RAP1GDS1: variants seen among roughly 807,000 people sequenced by gnomAD.
RAP1GDS1 encodes the protein RAP1, GTP-GDP dissociation stimulator 1.
RAP1GDS1 carries 35 observed loss-of-function variants against 71.1 expected under a neutral mutation model. That is an observed-to-expected ratio of 0.49 (90% CI 0.38 to 0.65). The LOEUF (loss-of-function observed/expected upper bound fraction) is 0.65, where lower values mean the gene tolerates loss of function less well. RAP1GDS1 is among the 30% of genes least tolerant of loss of function. The pLI is 0.00. For synonymous variants in RAP1GDS1, 229 were observed against 243.1 expected (o/e 0.94, Z 0.54); for missense variants, 663 against 706.1 (o/e 0.94, Z 0.69).
Position 98,443,383 on chromosome 4 carries a change from G to A in RAP1GDS1, c.*1266G>A, listed in dbSNP as rs186348414. 1 of 231,128 alleles carries A rather than the reference G, an allele frequency of 4.3e-6. No individual in the cohort carries two copies. The highest frequency in any genetic ancestry group is 5.6e-5 in the Admixed American group (1 of 17,700). The allele number at this position is 231,128 out of a possible 1,614,324, so 14.3% of individuals were successfully genotyped here. On this transcript the variant is annotated 3_prime_UTR_variant, in exon 15 of 15. Transcript: ENST00000408927. ...TGCCACCACCAAATGGGTTTTTAGAGCTTTGAAACACAATCTTTGTAAATT... is the reference window on the plus strand; with the variant it reads ...TGCCACCACCAAATGGGTTTTTAGAACTTTGAAACACAATCTTTGTAAATT...
intron 4 of RAP1GDS1, among the ~76,000 whole-genome samples, chr4:98,378,786 A>G (rs1259929883): frequency 1.3e-5 from 2 of 151,910 alleles, no homozygotes; most frequent in African/African-American, 4.8e-5. Context: ...TATGATGCCA[A>G]TGAGAATAAT....
At chr4:98,414,534 G>A (rs1426193429) in intron 7 of RAP1GDS1, among the ~76,000 whole-genome samples, 3 of 150,696 alleles carry the variant, frequency 2.0e-5, no homozygotes, top group South Asian at 2.1e-4. Flanking sequence ...GTAGATATGC[G>A]GCATTATTTC....
At position 98,436,972 on chromosome 4, in the gene RAP1GDS1, C is replaced by T. The variant is rs759770168; in HGVS notation, c.1600C>T (p.Leu534Phe). 6.2e-7 allele frequency: 1 copy of T among 1,609,778 alleles called. No homozygotes were observed. The highest frequency in any genetic ancestry group is 1.7e-5 in the Admixed American group (1 of 58,778). The change falls in exon 14 of 15, where the codon CTT becomes TTT. Residue 534 changes from leucine to phenylalanine, a missense_variant. Coordinates refer to ENST00000408927, the MANE Select transcript of RAP1GDS1 (RefSeq NM_001100427.2). Reference protein sequence around the residue: ...TAEKDLESAKLVQILHRLLAD... With the variant: ...TAEKDLESAKFVQILHRLLAD... ...TGAGAAAGATCTAGAAAGTGCTAAA[C>T]TTGTACAGATTTTACATAGACTGCT...
chr4:98,415,839 C>T (rs1747874124), intron 7 of RAP1GDS1, among the ~76,000 whole-genome samples: 1 of 152,056 alleles, frequency 6.6e-6, no homozygotes, highest in Non-Finnish European at 1.5e-5. Context: ...TTTAGTAAAC[C>T]ACCATGTACC....
At chr4:98,405,906 T>C (rs552982041) in intron 7 of RAP1GDS1, among the ~76,000 whole-genome samples, 2 of 152,176 alleles carry the variant, frequency 1.3e-5, no homozygotes, top group South Asian at 4.2e-4. Flanking sequence ...GTTTACAATG[T>C]ACATTTATGT....
At chr4:98,282,242 A>G (rs1725222500) in intron 1 of RAP1GDS1, among the ~76,000 whole-genome samples, 1 of 151,988 alleles carries the variant, frequency 6.6e-6, no homozygotes, top group African/African-American at 2.4e-5. Flanking sequence ...CTGTCCCTGG[A>G]CTTTTTTTGG....
chr4:98,292,859 A>G (rs1727173896), intron 1 of RAP1GDS1, among the ~76,000 whole-genome samples: 1 of 152,206 alleles, frequency 6.6e-6, no homozygotes, highest in Non-Finnish European at 1.5e-5. Flanking sequence ...AAGAAAGCAT[A>G]GCTTTATAAT....
At chr4:98,311,233 G>T (rs533303703) in intron 2 of RAP1GDS1, among the ~76,000 whole-genome samples, 2 of 152,092 alleles carry the variant, frequency 1.3e-5, no homozygotes, top group Non-Finnish European at 2.9e-5. Flanking sequence ...TTGTTATCGG[G>T]TCTAATCTGT....
At chr4:98,310,408 CATATTTACTGACCTTAAAGT>C (rs1730034110) in intron 2 of RAP1GDS1, among the ~76,000 whole-genome samples, 1 of 152,036 alleles carries the variant, frequency 6.6e-6, no homozygotes. Flanking sequence ...AGTGGGACTA[CATATTTACTGACCTTAAAGT>C]AAAAATTGCA....
Position 98,442,133 on chromosome 4 carries a change from C to T in RAP1GDS1, c.*16C>T, listed in dbSNP as rs746336209. The T allele has an allele frequency of 6.2e-6, 10 of 1,609,178 alleles. No homozygotes were observed. Among genetic ancestry groups the T allele is most frequent in the Middle Eastern group, 1.6e-4 (1 of 6,064 alleles). ...GGAAAGCTGAGAACTGCCCGATACA[C>T]GGCATCATCCCATCTCTAATTTCCC... On this transcript the variant is annotated 3_prime_UTR_variant, in exon 15 of 15. Coordinates refer to ENST00000408927, the MANE Select transcript of RAP1GDS1 (RefSeq NM_001100427.2).
In RAP1GDS1 at chr4:98,420,114, G is replaced by A; in HGVS notation, c.1270G>A (p.Gly424Arg). 6.3e-7 allele frequency: 1 copy of A among 1,585,598 alleles called. No homozygotes were observed. The highest frequency in any genetic ancestry group is 8.6e-7 in the Non-Finnish European group (1 of 1,165,868). The stretch of plus-strand genomic sequence containing the variant: ...GCCTCCTGTTCAGTTCAAACTTCTG[G>A]GAACATTAAGAATGTTAATAGATGC... ...EMPPVQFKLL[G>R]TLRMLIDAQA... is the part of the protein sequence containing the mutation. The change falls in exon 11 of 15, where the codon GGA (glycine) becomes AGA (arginine). Residue 424 changes from glycine to arginine, a missense_variant. Gly to Arg is a moderately radical substitution (Grantham distance 125). Coordinates refer to ENST00000408927, the MANE Select transcript of RAP1GDS1 (RefSeq NM_001100427.2).
chr4:98,293,530 GT>G lies in RAP1GDS1; in HGVS notation c.112+18del. 1 of 1,569,200 alleles carries G rather than the reference GT, an allele frequency of 6.4e-7. No individual in the cohort carries two copies. Among genetic ancestry groups the G allele is most frequent in the South Asian group, 1.1e-5 (1 of 87,216 alleles). On this transcript the variant is annotated intron_variant, in intron 2 of 14. Transcript: ENST00000408927. ...GGCTCAAAATAGTAAGTTTCATTAT[GT>G]TTACTCAAATTCCAAAGAAGAAAAT...
intron 2 of RAP1GDS1, among the ~76,000 whole-genome samples, chr4:98,333,040 C>T (rs1734216334): frequency 6.6e-6 from 1 of 152,000 alleles, no homozygotes; most frequent in Non-Finnish European, 1.5e-5. Flanking sequence ...GAAAATTTAC[C>T]ACAAGATTCT....
chr4:98,287,288 T>C (rs1726183577), intron 1 of RAP1GDS1, among the ~76,000 whole-genome samples: 1 of 152,156 alleles, frequency 6.6e-6, no homozygotes, highest in East Asian at 1.9e-4. Flanking sequence ...ACAAAAATAA[T>C]CTCATAAATA....
intron 1 of RAP1GDS1, among the ~76,000 whole-genome samples, chr4:98,269,030 C>T (rs1395449307): frequency 6.6e-6 from 1 of 151,864 alleles, no homozygotes; most frequent in Non-Finnish European, 1.5e-5. Flanking sequence ...AGGCCAGGGG[C>T]ATCACACTAC....
intron 1 of RAP1GDS1, among the ~76,000 whole-genome samples, chr4:98,279,829 GT>G (rs1724793298): frequency 6.6e-6 from 1 of 152,064 alleles, no homozygotes; most frequent in South Asian, 2.1e-4. Flanking sequence ...TCATTGTTCA[GT>G]TCCCACCTAT....
chr4:98,387,664 G>A (rs1453344977), intron 5 of RAP1GDS1, among the ~76,000 whole-genome samples: 1 of 152,138 alleles, frequency 6.6e-6, no homozygotes, highest in Non-Finnish European at 1.5e-5. Flanking sequence ...ATCTGTATTT[G>A]GTCAGTGTTT....
At chr4:98,355,003 G>A (rs1737742344) in intron 4 of RAP1GDS1, among the ~76,000 whole-genome samples, 1 of 152,056 alleles carries the variant, frequency 6.6e-6, no homozygotes, top group Non-Finnish European at 1.5e-5. Flanking sequence ...ATTAAATTCT[G>A]TCAACTTCTT....
chr4:98,443,833 A>AACTT lies in RAP1GDS1; in HGVS notation c.*1718_*1721dup, dbSNP rs1046247605. On this transcript the variant is annotated 3_prime_UTR_variant, in exon 15 of 15. Coordinates refer to ENST00000408927, the MANE Select transcript of RAP1GDS1 (RefSeq NM_001100427.2). ...ATGTTGCATATCTGTTCATATTAAT[A>AACTT]ACTTAATAAATAGTATATGAAGCTA... The AACTT allele has an allele frequency of 2.8e-5, 5 of 178,774 alleles. No individual in the cohort carries two copies. Among genetic ancestry groups the AACTT allele is most frequent in the African/African-American group, 9.5e-5 (4 of 42,132 alleles). The allele number at this position is 178,774 out of a possible 1,614,324, so 11.1% of individuals were successfully genotyped here. A position where few individuals can be genotyped will look rare whatever the true frequency, so the allele number is the denominator to read the frequency against.
Sources: gnomAD v4.1 joint callset for allele counts (sites outside exome capture counted in the v4.1 genomes callset) on GRCh38, gnomAD v4.1.1 for gene constraint, MANE v1.5 for transcripts, NCBI Gene and HGNC (gene_info 2026-07-23, HGNC 2026-07-21) for gene names.